TMTC2: variants seen among roughly 807,000 people sequenced by gnomAD.
TMTC2 encodes protein O-mannosyl-transferase TMTC2.
In TMTC2, 43 loss-of-function variants were observed where a neutral mutation model predicts 82.4. The observed-to-expected ratio is 0.52, with a 90% confidence interval of 0.41 to 0.67. The LOEUF (loss-of-function observed/expected upper bound fraction) is 0.67. Ranked by LOEUF, TMTC2 falls within the 30% of genes least tolerant of loss-of-function variation. TMTC2 has a pLI of 0.00. For missense variants in TMTC2, 919 were observed against 1,012.4 expected (o/e 0.91, Z 1.25); for synonymous variants, 408 against 381.9 (o/e 1.07, Z -0.80).
rs557897185 is a variant in TMTC2 at position 82,736,780 on chromosome 12, ATC to A, written c.83+49113_83+49114del. On this transcript the variant is annotated intron_variant, in intron 1 of 11. Coordinates refer to ENST00000321196, the MANE Select transcript of TMTC2 (RefSeq NM_152588.3). ...GAATGTATTTCAAATAATAGTCTTT[ATC>A]TGAGAACAGATAGTTAGAAAAGGAA... is the stretch of plus-strand genomic sequence containing the variant. 2.7e-3 allele frequency among the ~76,000 whole-genome samples: 407 copies of A among 152,326 alleles called. 2 individuals are homozygous for A. Among genetic ancestry groups the A allele is most frequent in the African/African-American group, 9.3e-3 (385 of 41,586 alleles).
intron 11 of TMTC2, among the ~76,000 whole-genome samples, chr12:83,123,942 A>T (rs1885031566): frequency 6.6e-6 from 1 of 152,162 alleles, no homozygotes; most frequent in Non-Finnish European, 1.5e-5. Context: ...TTGTAGACAC[A>T]CCTGATTCTT....
At chr12:82,834,198 ATACAATTGT>A (rs1183614598) in intron 1 of TMTC2, among the ~76,000 whole-genome samples, 1 of 152,246 alleles carries the variant, frequency 6.6e-6, no homozygotes, top group African/African-American at 2.4e-5. Context: ...TTAATTAGTA[ATACAATTGT>A]TACATGAATG....
intron 1 of TMTC2, among the ~76,000 whole-genome samples, chr12:82,845,427 A>G (rs1870603753): frequency 6.6e-6 from 1 of 151,676 alleles, no homozygotes; most frequent in African/African-American, 2.4e-5. Flanking sequence ...AAATTCATAA[A>G]TTATGTAAAC....
intron 11 of TMTC2, among the ~76,000 whole-genome samples, chr12:83,085,312 C>T (rs1883615036): frequency 6.6e-6 from 1 of 152,170 alleles, no homozygotes. Context: ...CCAAGCATTA[C>T]CCTTTATCTG....
At chr12:83,031,982 A>T (rs548345725) in intron 9 of TMTC2, among the ~76,000 whole-genome samples, 56 of 152,232 alleles carry the variant, frequency 3.7e-4, no homozygotes, top group African/African-American at 1.2e-3. Context: ...CAACTAATTT[A>T]AGTTTGCTGC....
At chr12:83,025,531 G>A (rs1881128277) in intron 8 of TMTC2, among the ~76,000 whole-genome samples, 1 of 152,038 alleles carries the variant, frequency 6.6e-6, no homozygotes, top group Admixed American at 6.6e-5. Context: ...AATCATCAAA[G>A]TTACCACAAA....
intron 1 of TMTC2, among the ~76,000 whole-genome samples, chr12:82,808,066 A>G (rs551381586): frequency 6.6e-6 from 1 of 151,930 alleles, no homozygotes; most frequent in Non-Finnish European, 1.5e-5. Context: ...TAAAAAACTG[A>G]ATCTTAAATC....
intron 1 of TMTC2, among the ~76,000 whole-genome samples, chr12:82,703,327 T>C (rs1202163423): frequency 6.6e-6 from 1 of 152,118 alleles, no homozygotes; most frequent in Non-Finnish European, 1.5e-5. Context: ...AAATTAACTT[T>C]GGTGATATTG....
chr12:83,080,549 T>C (rs906685663), intron 11 of TMTC2, among the ~76,000 whole-genome samples: 1 of 152,176 alleles, frequency 6.6e-6, no homozygotes, highest in East Asian at 1.9e-4. Flanking sequence ...CCCCAGTTTT[T>C]ATAGATGGAG....
At position 82,857,154 on chromosome 12, in the gene TMTC2, C is replaced by A. The variant is rs1391178669; in HGVS notation, c.228C>A (p.Asn76Lys). 6.2e-7 allele frequency: 1 copy of A among 1,614,174 alleles called. No individual in the cohort carries two copies. Among genetic ancestry groups the A allele is most frequent in the Non-Finnish European group, 8.5e-7 (1 of 1,180,046 alleles). Residue 76 changes from asparagine to lysine, a missense_variant, in exon 2 of 12, where the codon AAC (asparagine) becomes AAA (lysine). Physicochemically the swap from Asn to Lys is moderately conservative, Grantham distance 94 (BLOSUM62 0). Coordinates refer to ENST00000321196, the MANE Select transcript of TMTC2 (RefSeq NM_152588.3). ...RPLCTLSFRL[N>K]HAIGGLNPWS... ...TCTGCACTCTTTCTTTTCGCCTGAACCATGCCATTGGAGGGTTGAATCCCT... is the reference window on the plus strand; with the variant it reads ...TCTGCACTCTTTCTTTTCGCCTGAAACATGCCATTGGAGGGTTGAATCCCT...
At chr12:83,031,255 A>G (rs771594009) in intron 9 of TMTC2, among the ~76,000 whole-genome samples, 1 of 152,114 alleles carries the variant, frequency 6.6e-6, no homozygotes, top group Non-Finnish European at 1.5e-5. Flanking sequence ...TGAGCATGTC[A>G]TTTTGAAGTT....
chr12:82,964,229 C>G (rs761455602), intron 4 of TMTC2, among the ~76,000 whole-genome samples: 5 of 151,848 alleles, frequency 3.3e-5, no homozygotes, highest in Non-Finnish European at 7.4e-5. Flanking sequence ...GCTTTTTGAA[C>G]TTAGTTCAAT....
intron 1 of TMTC2, among the ~76,000 whole-genome samples, chr12:82,768,285 C>G (rs7296227): frequency 1.3e-4 from 20 of 152,142 alleles, no homozygotes; most frequent in Non-Finnish European, 2.2e-4. Context: ...GTGGAGTGCC[C>G]GTGTTTTTGC....
At chr12:82,718,918 T>C (rs1408131357) in intron 1 of TMTC2, among the ~76,000 whole-genome samples, 1 of 151,512 alleles carries the variant, frequency 6.6e-6, no homozygotes, top group Non-Finnish European at 1.5e-5. Context: ...AGATACCACA[T>C]TCATGCCCAT....
chr12:82,725,981 G>C (rs1874427925), intron 1 of TMTC2, among the ~76,000 whole-genome samples: 1 of 152,116 alleles, frequency 6.6e-6, no homozygotes, highest in Non-Finnish European at 1.5e-5. Flanking sequence ...TTCAAGATTG[G>C]GAGGGCTTGG....
chr12:83,042,146 A>G (rs1003403702), intron 9 of TMTC2, among the ~76,000 whole-genome samples: 3 of 152,212 alleles, frequency 2.0e-5, no homozygotes, highest in Non-Finnish European at 4.4e-5. Flanking sequence ...GCCCATTGAG[A>G]TGGTGTGGGA....
At chr12:82,888,680 A>C (rs929823420) in intron 2 of TMTC2, among the ~76,000 whole-genome samples, 4 of 152,190 alleles carry the variant, frequency 2.6e-5, no homozygotes, top group Non-Finnish European at 5.9e-5. Context: ...CTGACTTTTA[A>C]AAGTTTGAGG....
At chr12:83,012,479 A>G (rs1273582652) in intron 8 of TMTC2, among the ~76,000 whole-genome samples, 1 of 152,152 alleles carries the variant, frequency 6.6e-6, no homozygotes, top group Non-Finnish European at 1.5e-5. Context: ...TTGAAGGCTG[A>G]ATTTAAAGAG....
intron 1 of TMTC2, among the ~76,000 whole-genome samples, chr12:82,804,599 T>G (rs1428708562): frequency 6.6e-6 from 1 of 152,106 alleles, no homozygotes; most frequent in East Asian, 1.9e-4. Flanking sequence ...TATCTTTTCA[T>G]AAATATAAAA....
Sources: gnomAD v4.1 joint callset for allele counts (sites outside exome capture counted in the v4.1 genomes callset) on GRCh38, gnomAD v4.1.1 for gene constraint, MANE v1.5 for transcripts, NCBI Gene and HGNC (gene_info 2026-07-23, HGNC 2026-07-21) for gene names.